DLGAP2: variants seen among roughly 807,000 people sequenced by gnomAD.
DLGAP2 encodes the protein DLG associated protein 2.
DLGAP2 carries 26 observed loss-of-function variants against 100.3 expected under a neutral mutation model. The ratio of observed to expected loss-of-function variants is 0.26; its 90% CI spans 0.19 to 0.36. DLGAP2 has a LOEUF of 0.36. Ranked by LOEUF, DLGAP2 falls within the 10% of genes least tolerant of loss-of-function variation. DLGAP2 has a pLI of 1.00. For missense variants in DLGAP2, 1,858 were observed against 1,453.2 expected (o/e 1.28, Z -4.53); for synonymous variants, 886 against 630.1 (o/e 1.41, Z -6.08).
At chr8:862,306 T>G (rs975924578) in intron 1 of DLGAP2, among the ~76,000 whole-genome samples, 20 of 151,460 alleles carry the variant, frequency 1.3e-4, no homozygotes, top group Non-Finnish European at 2.1e-4. Context: ...CCAGTTTTTT[T>G]TTTTTTTTTT....
chr8:1,168,442 T>A (rs928581928), intron 2 of DLGAP2, among the ~76,000 whole-genome samples: 21 of 151,038 alleles, frequency 1.4e-4, no homozygotes, highest in Non-Finnish European at 3.0e-5. Flanking sequence ...TCTAGATCCC[T>A]GAGGAATCGC....
At chr8:1,625,176 A>T (rs529711409) in intron 6 of DLGAP2, among the ~76,000 whole-genome samples, 1 of 152,308 alleles carries the variant, frequency 6.6e-6, no homozygotes, top group South Asian at 2.1e-4. Context: ...ATCTATAGAC[A>T]TTTTTATGTA....
chr8:1,450,320 G>A (rs12542992), intron 3 of DLGAP2, among the ~76,000 whole-genome samples: 2 of 24,690 alleles, frequency 8.1e-5, no homozygotes, highest in Non-Finnish European at 7.1e-5. Flanking sequence ...TGGCTGAGGC[G>A]GAGCTGTGAG....
At chr8:1,426,130 T>C (rs1365724905) in intron 3 of DLGAP2, among the ~76,000 whole-genome samples, 1 of 152,168 alleles carries the variant, frequency 6.6e-6, no homozygotes. Context: ...CCGGCTCAGC[T>C]GCTGGAGAAA....
At chr8:1,229,938 G>A (rs1798500481) in intron 2 of DLGAP2, among the ~76,000 whole-genome samples, 3 of 152,174 alleles carry the variant, frequency 2.0e-5, no homozygotes, top group Non-Finnish European at 4.4e-5. Context: ...CAAGCTGGAA[G>A]CATTCCCCTT....
intron 3 of DLGAP2, among the ~76,000 whole-genome samples, chr8:1,315,189 A>G (rs1489736417): frequency 6.6e-6 from 1 of 151,802 alleles, no homozygotes; most frequent in African/African-American, 2.4e-5. Context: ...CCCAACACTC[A>G]AGAAACTCGG....
At chr8:1,323,432 T>A (rs1181218215) in intron 3 of DLGAP2, among the ~76,000 whole-genome samples, 1 of 152,146 alleles carries the variant, frequency 6.6e-6, no homozygotes, top group Non-Finnish European at 1.5e-5. Flanking sequence ...GTGGCCCCGG[T>A]AGTAAGTTTA....
intron 3 of DLGAP2, among the ~76,000 whole-genome samples, chr8:1,479,471 G>A (rs1415925426): frequency 6.6e-6 from 1 of 152,160 alleles, no homozygotes; most frequent in Non-Finnish European, 1.5e-5. Flanking sequence ...CTAATTAATT[G>A]CAAATGGACA....
chr8:1,620,190 A>T (rs187944841), intron 6 of DLGAP2, among the ~76,000 whole-genome samples: 8 of 152,148 alleles, frequency 5.3e-5, no homozygotes, highest in Admixed American at 3.9e-4. Context: ...ATCCACTGAA[A>T]CTGTCCTTTT....
chr8:1,198,025 C>T (rs979356614), intron 2 of DLGAP2, among the ~76,000 whole-genome samples: 1 of 152,110 alleles, frequency 6.6e-6, no homozygotes, highest in Non-Finnish European at 1.5e-5. Context: ...CAGGGACCCA[C>T]TGGAAATGAG....
intron 3 of DLGAP2, among the ~76,000 whole-genome samples, chr8:1,286,237 A>C (rs536408099): frequency 3.9e-5 from 6 of 152,284 alleles, no homozygotes; most frequent in African/African-American, 9.6e-5. Flanking sequence ...CCTTGTGAAG[A>C]GGTGCCTTCT....
At chr8:1,167,794 G>A (rs928276320) in intron 2 of DLGAP2, among the ~76,000 whole-genome samples, 16 of 152,130 alleles carry the variant, frequency 1.1e-4, no homozygotes, top group East Asian at 1.9e-4. Flanking sequence ...GAGGTACAAA[G>A]TCAAGTATAA....
At chr8:1,301,144 C>T (rs776729159) in intron 3 of DLGAP2, 4 of 152,390 alleles carry the variant, frequency 2.6e-5, no homozygotes, top group Admixed American at 2.0e-4. Context: ...GGCTGTGTCC[C>T]ATGGTTAGCC....
At chr8:948,056 G>A (rs1028131644) in intron 2 of DLGAP2, among the ~76,000 whole-genome samples, 2 of 149,082 alleles carry the variant, frequency 1.3e-5, no homozygotes, top group African/African-American at 5.0e-5. Flanking sequence ...ACCCCACCGC[G>A]TGTGCGCCAT....
chr8:1,477,070 C>T (rs957336154), intron 3 of DLGAP2, among the ~76,000 whole-genome samples: 2 of 152,270 alleles, frequency 1.3e-5, no homozygotes, highest in African/African-American at 2.4e-5. Context: ...ACCGCAGACA[C>T]AATTAATCAC....
rs112093301 is a variant in DLGAP2, at chr8:1,258,162, A to G, written c.74-689A>G. The stretch of plus-strand genomic sequence containing the variant: ...TTTTAGTGTTTTCCTGAAAGATAAT[A>G]CAGATTTGCTCATAACTTTTGTGCC... On this transcript the variant is annotated intron_variant, in intron 2 of 14. Transcript: ENST00000637795. Among the ~76,000 whole-genome samples the G allele has an allele frequency of 1.5e-3, 234 of 152,336 alleles. 2 individuals carry two copies. The highest frequency in any genetic ancestry group is 5.2e-3 in the African/African-American group (217 of 41,584).
chr8:1,199,118 A>G (rs1359291806), intron 2 of DLGAP2, among the ~76,000 whole-genome samples: 2 of 152,262 alleles, frequency 1.3e-5, no homozygotes, highest in Admixed American at 6.5e-5. Context: ...GTACTTAAAC[A>G]CACATACACA....
At chr8:761,374 G>A (rs1050689026) in intron 1 of DLGAP2, among the ~76,000 whole-genome samples, 1 of 152,192 alleles carries the variant, frequency 6.6e-6, no homozygotes, top group Admixed American at 6.5e-5. Flanking sequence ...ACCTCGAATC[G>A]GGAGCAGACT....
chr8:1,097,400 C>T (rs1482569182), intron 2 of DLGAP2, among the ~76,000 whole-genome samples: 1 of 132,574 alleles, frequency 7.5e-6, no homozygotes, highest in African/African-American at 3.0e-5. Context: ...GGCAGGCCTT[C>T]ACCCTCTGTG....
Sources: allele counts gnomAD v4.1 joint callset (sites outside exome capture counted in the v4.1 genomes callset), GRCh38; gene constraint gnomAD v4.1.1; transcripts MANE v1.5; gene names NCBI Gene and HGNC (gene_info 2026-07-23, HGNC 2026-07-21).